The following CAMTA1 variants were observed in gnomAD, a reference collection of about 807,000 sequenced individuals.
CAMTA1 encodes the protein calmodulin-binding transcription activator 1.
Under a neutral mutation model 170.9 loss-of-function variants are expected in CAMTA1, and 27 were observed. The ratio of observed to expected loss-of-function variants is 0.16; its 90% CI spans 0.12 to 0.22. CAMTA1 has a LOEUF of 0.22. CAMTA1 is among the 10% of genes least tolerant of loss of function. The pLI is 1.00. For synonymous variants in CAMTA1, 833 were observed against 891.5 expected (o/e 0.93, Z 1.17); for missense variants, 1,619 against 2,217.2 (o/e 0.73, Z 5.42).
rs762542179 is a variant in CAMTA1 at position 7,300,985 on chromosome 1, A to G, written c.438+51359A>G. Among the ~76,000 whole-genome samples, 3 of 152,236 alleles carry G rather than the reference A, an allele frequency of 2.0e-5. No homozygotes were observed. The highest frequency in any genetic ancestry group is 4.4e-5 in the Non-Finnish European group (3 of 68,042). ...ACACACACATTGGATTCTAGCAGCA[A>G]TTACCCACCATCCTTTATGCAAGTC... On this transcript the variant is annotated intron_variant, in intron 5 of 22. Transcript: ENST00000303635. The surrounding 1 kb of genome is among the most constrained non-coding windows in gnomAD (Gnocchi z 4.1).
intron 5 of CAMTA1, among the ~76,000 whole-genome samples, chr1:7,304,329 A>G (rs918907090): frequency 1.7e-4 from 26 of 152,226 alleles, no homozygotes; most frequent in Admixed American, 1.2e-3. Context: ...CTGTTAATGA[A>G]TAGTTGTTTC....
At chr1:7,728,021 C>T (rs1425227637) in intron 11 of CAMTA1, among the ~76,000 whole-genome samples, 4 of 152,218 alleles carry the variant, frequency 2.6e-5, no homozygotes, top group Non-Finnish European at 5.9e-5. Context: ...TTGAGAGGCT[C>T]AGAGATGCCG....
In CAMTA1 at chr1:7,146,163, G is replaced by A. The variant is rs1324348329; in HGVS notation, c.302+54792G>A. On this transcript the variant is annotated intron_variant, in intron 4 of 22. Transcript: ENST00000303635. The surrounding 1 kb of genome is among the most constrained non-coding windows in gnomAD (Gnocchi z 4.3). ...GGATGGGCAGTCATGGTGCTTCCCC[G>A]CCCTGGGCAGCTGCTTATTCCAGAA... Among the ~76,000 whole-genome samples, 3 of 152,056 alleles carry A rather than the reference G, an allele frequency of 2.0e-5. No individual in the cohort carries two copies. The highest frequency in any genetic ancestry group is 1.9e-4 in the East Asian group (1 of 5,180).
At chr1:7,022,748 C>T (rs76458156) in intron 3 of CAMTA1, among the ~76,000 whole-genome samples, 1 of 152,268 alleles carries the variant, frequency 6.6e-6, no homozygotes, top group East Asian at 1.9e-4. Flanking sequence ...TTCCCTGAGT[C>T]TGGGGGAAGG....
At chr1:7,507,913 T>A (rs1418743147) in intron 6 of CAMTA1, among the ~76,000 whole-genome samples, 1 of 152,238 alleles carries the variant, frequency 6.6e-6, no homozygotes, top group Non-Finnish European at 1.5e-5. Flanking sequence ...CTCTCCAGCG[T>A]GTGTCTGTTG....
chr1:7,498,790 T>C lies in CAMTA1; in HGVS notation c.510+30889T>C, dbSNP rs939360136. Among the ~76,000 whole-genome samples, 7 of 148,040 alleles carry C rather than the reference T, an allele frequency of 4.7e-5. No individual in the cohort carries two copies. In the South Asian group the frequency reaches 1.1e-3, roughly 22 times the overall value. ...AGCCTGGTGTGCATGTGTATGTATG[T>C]GTGTGCATGTGTGTACATGTGTGTA... On this transcript the variant is annotated intron_variant, in intron 6 of 22. Coordinates refer to ENST00000303635, the MANE Select transcript of CAMTA1 (RefSeq NM_015215.4).
intron 3 of CAMTA1, among the ~76,000 whole-genome samples, chr1:6,836,277 C>T (rs1570686047): frequency 6.6e-6 from 1 of 152,230 alleles, no homozygotes; most frequent in Middle Eastern, 3.4e-3. Context: ...AAAAAGAAAT[C>T]CTTTCTAGAT....
intron 3 of CAMTA1, among the ~76,000 whole-genome samples, chr1:6,837,015 G>A (rs529634595): frequency 4.7e-5 from 7 of 149,802 alleles, no homozygotes; most frequent in Non-Finnish European, 1.0e-4. Context: ...TCGGCTCACT[G>A]CAATCTCCGC....
intron 5 of CAMTA1, among the ~76,000 whole-genome samples, chr1:7,393,391 G>A (rs577591463): frequency 4.6e-5 from 7 of 152,088 alleles, no homozygotes; most frequent in Non-Finnish European, 1.0e-4. Flanking sequence ...TCAGCCTTTC[G>A]AGTAGCTGAG....
At position 7,669,210 on chromosome 1, in the gene CAMTA1, A is replaced by G. The variant is rs1277280388; in HGVS notation, c.2653-1701A>G. Among the ~76,000 whole-genome samples, 3 of 152,188 alleles carry G rather than the reference A, an allele frequency of 2.0e-5. No homozygotes were observed. In the East Asian group the frequency reaches 5.8e-4, roughly 29 times the overall value. ...TCTCTGCTGCCGTAGCAGTAAAGTG[A>G]CCTCCCAGGCCAGAGCCAGGCTCAT... On this transcript the variant is annotated intron_variant, in intron 9 of 22. Coordinates refer to ENST00000303635, the MANE Select transcript of CAMTA1 (RefSeq NM_015215.4).
chr1:6,902,405 A>G (rs1020233516), intron 3 of CAMTA1, among the ~76,000 whole-genome samples: 4 of 152,188 alleles, frequency 2.6e-5, no homozygotes, highest in Non-Finnish European at 4.4e-5. Flanking sequence ...GTGACACAAC[A>G]TGGACGAGTC....
rs936701666 is a variant in CAMTA1 at position 7,064,089 on chromosome 1, T to C, written c.235-27215T>C. On this transcript the variant is annotated intron_variant, in intron 3 of 22. Transcript: ENST00000303635. This position sits in a 1 kb window ranked among gnomAD's most constrained non-coding sequence, Gnocchi z 5.4. ...ACCTTCTCCTCCTCCTCCTCCTCCT[T>C]CTTCTCCTCCTTCTCTCCTTCCCTC... 2.7e-5 allele frequency among the ~76,000 whole-genome samples: 4 copies of C among 150,116 alleles called. No individual in the cohort carries two copies. Among genetic ancestry groups the C allele is most frequent in the Non-Finnish European group, 5.9e-5 (4 of 67,444 alleles).
chr1:7,087,838 C>T (rs1436774362), intron 3 of CAMTA1, among the ~76,000 whole-genome samples: 1 of 152,232 alleles, frequency 6.6e-6, no homozygotes, highest in Admixed American at 6.5e-5. Flanking sequence ...AAGTCCTTCT[C>T]CCCACAATCA....
intron 6 of CAMTA1, among the ~76,000 whole-genome samples, chr1:7,521,954 G>A (rs1557859938): frequency 1.3e-5 from 2 of 152,110 alleles, no homozygotes; most frequent in Non-Finnish European, 1.5e-5. Flanking sequence ...TCCATTTTTT[G>A]ACAATGACAA....
intron 6 of CAMTA1, among the ~76,000 whole-genome samples, chr1:7,498,499 G>A (rs2093882537): frequency 6.6e-6 from 1 of 151,710 alleles, no homozygotes; most frequent in South Asian, 2.1e-4. Flanking sequence ...GAGAGTGAGT[G>A]TGGGTGTGGG....
chr1:7,038,499 A>G (rs1269170853), intron 3 of CAMTA1, among the ~76,000 whole-genome samples: 1 of 152,258 alleles, frequency 6.6e-6, no homozygotes, highest in Non-Finnish European at 1.5e-5. Flanking sequence ...AATGAAACCC[A>G]TAAACCCACC....
At chr1:7,615,929 A>G (rs552456375) in intron 6 of CAMTA1, among the ~76,000 whole-genome samples, 178 of 152,370 alleles carry the variant, frequency 1.2e-3, no homozygotes, top group Non-Finnish European at 1.9e-3. Context: ...AGCACCTACA[A>G]TAGCTCTTTG....
At chr1:6,871,656 C>A in intron 3 of CAMTA1, 2 of 998,236 alleles carry the variant, frequency 2.0e-6, no homozygotes, top group Non-Finnish European at 2.9e-6. Flanking sequence ...TACACGACAT[C>A]AGGAATGATG....
At position 7,736,915 on chromosome 1, in the gene CAMTA1, G is replaced by A. The variant is rs757211922; in HGVS notation, c.3264-16G>A. The A allele has an allele frequency of 6.2e-6, 10 of 1,602,674 alleles. No homozygotes were observed. The highest frequency in any genetic ancestry group is 1.3e-5 in the African/African-American group (1 of 74,646). ...GTGGTGAATAGTGTGGTAATTTCTG[G>A]TGCTCTCCCTTATAGTACAAAGCAC... On this transcript the variant is annotated splice_polypyrimidine_tract_variant and intron_variant, in intron 13 of 22. Transcript: ENST00000303635. The surrounding 1 kb of genome is among the most constrained non-coding windows in gnomAD (Gnocchi z 4.5).
Sources: allele counts gnomAD v4.1 joint callset (sites outside exome capture counted in the v4.1 genomes callset), GRCh38; gene constraint gnomAD v4.1.1; non-coding constraint Gnocchi (gnomAD v3.1); transcripts MANE v1.5; gene names NCBI Gene and HGNC (gene_info 2026-07-23, HGNC 2026-07-21).